ARHGEF28: variants seen among roughly 807,000 people sequenced by gnomAD.
ARHGEF28 encodes 190 kDa guanine nucleotide exchange factor.
A neutral mutation model predicts 206.6 loss-of-function variants in ARHGEF28; 152 were observed. The ratio of observed to expected loss-of-function variants is 0.74; its 90% CI spans 0.64 to 0.84. The LOEUF is 0.84. ARHGEF28 is among the 40% of genes least tolerant of loss of function. The pLI is 0.00. For synonymous variants in ARHGEF28, 763 were observed against 776.4 expected (o/e 0.98, Z 0.29); for missense variants, 2,028 against 2,073.2 (o/e 0.98, Z 0.42).
intron 7 of ARHGEF28, among the ~76,000 whole-genome samples, chr5:73,790,249 A>G (rs1396234985): frequency 6.6e-6 from 1 of 152,074 alleles, no homozygotes; most frequent in East Asian, 1.9e-4. Flanking sequence ...TCTGGCCAGA[A>G]TTGGATCATA....
At chr5:73,879,120 G>A (rs4610437) in intron 22 of ARHGEF28, among the ~76,000 whole-genome samples, 54,920 of 151,830 alleles carry the variant, frequency 0.36, 10,366 homozygotes, top group Admixed American at 0.45. Flanking sequence ...GGCTTTGTTC[G>A]TTTCTTTTTA....
In ARHGEF28 at chr5:73,645,775, C is replaced by T. The variant is rs751930006; in HGVS notation, c.-12+19453C>T. Among the ~76,000 whole-genome samples, 15 of 152,070 alleles carry T rather than the reference C, an allele frequency of 9.9e-5. No individual in the cohort carries two copies. In the South Asian group the frequency reaches 1.7e-3, roughly 17 times the overall value. ...GAGGTCTTGTGCATTTCTATTTTCC[C>T]ACTTTTTTTTTTCTGAGAGCCTGGA... On this transcript the variant is annotated intron_variant, in intron 1 of 35. Transcript: ENST00000513042.
chr5:73,738,562 G>A (rs1218987384), intron 2 of ARHGEF28, among the ~76,000 whole-genome samples: 2 of 151,606 alleles, frequency 1.3e-5, no homozygotes. Context: ...GGATAGATAG[G>A]TGGAAGGAAT....
chr5:73,778,194 T>C (rs1444004205), intron 6 of ARHGEF28: 2 of 152,164 alleles, frequency 1.3e-5, no homozygotes, highest in East Asian at 3.9e-4. Flanking sequence ...ATCAGTTCCA[T>C]GGGGGCAGAG....
intron 4 of ARHGEF28, among the ~76,000 whole-genome samples, chr5:73,759,435 G>T (rs1002557678): frequency 4.6e-5 from 7 of 152,154 alleles, no homozygotes; most frequent in African/African-American, 1.7e-4. Context: ...ATAACGCTCT[G>T]CTCTTGCCTG....
rs766265206 is a variant in ARHGEF28, at chr5:73,840,614, C to T, written c.1281C>T (p.Tyr427=). The T allele has an allele frequency of 3.1e-6, 5 of 1,613,992 alleles. No individual in the cohort carries two copies. The highest frequency in any genetic ancestry group is 3.4e-6 in the Non-Finnish European group (4 of 1,179,876). ...TLPTETSPSV[Y]PLSENVEGTA... ...CTACAGAAACCAGTCCCAGTGTGTA[C>T]CCACTTAGTGAAAATGTCGAAGGGA... is the stretch of plus-strand genomic sequence containing the variant. Residue 427 remains tyrosine, a synonymous_variant, in exon 11 of 36, where the codon TAC becomes TAT. Transcript: ENST00000513042.
At chr5:73,689,708 G>A (rs1400502604) in intron 2 of ARHGEF28, among the ~76,000 whole-genome samples, 8 of 151,770 alleles carry the variant, frequency 5.3e-5, no homozygotes, top group Non-Finnish European at 1.5e-5. Flanking sequence ...TCCTGCATTC[G>A]TGCTTGAAAA....
intron 33 of ARHGEF28, chr5:73,908,603 T>A (rs986567590): frequency 6.6e-6 from 1 of 152,248 alleles, no homozygotes; most frequent in Non-Finnish European, 1.5e-5. Context: ...TTTCCTGTGA[T>A]GTTGCCAAAC....
chr5:73,832,872 T>C (rs1757387376), intron 10 of ARHGEF28, among the ~76,000 whole-genome samples: 1 of 152,204 alleles, frequency 6.6e-6, no homozygotes. Context: ...CCCAGCACCA[T>C]AGGAAACTGT....
chr5:73,766,266 A>C (rs1039113791), intron 4 of ARHGEF28, among the ~76,000 whole-genome samples: 1 of 152,266 alleles, frequency 6.6e-6, no homozygotes, highest in Non-Finnish European at 1.5e-5. Flanking sequence ...TTAGCCCTAA[A>C]AAATATAAGT....
chr5:73,773,052 G>A (rs758279013), intron 4 of ARHGEF28, among the ~76,000 whole-genome samples: 7 of 152,188 alleles, frequency 4.6e-5, no homozygotes, highest in South Asian at 2.1e-4. Flanking sequence ...CACACAAACC[G>A]TAGAGATTTT....
chr5:73,863,421 T>A (rs1759516672), intron 16 of ARHGEF28: 1 of 152,132 alleles, frequency 6.6e-6, no homozygotes, highest in Non-Finnish European at 1.5e-5. Flanking sequence ...ATACGCTTCC[T>A]CTTCTCCATA....
chr5:73,835,031 C>G (rs968302793), intron 10 of ARHGEF28: 1 of 152,130 alleles, frequency 6.6e-6, no homozygotes, highest in Non-Finnish European at 1.5e-5. Flanking sequence ...GGCTGGTCAC[C>G]GGAAAGGCCA....
At chr5:73,707,791 A>G (rs1485089569) in intron 2 of ARHGEF28, among the ~76,000 whole-genome samples, 2 of 152,234 alleles carry the variant, frequency 1.3e-5, no homozygotes, top group Non-Finnish European at 2.9e-5. Context: ...GAGAAAACCC[A>G]AAATGAACAT....
chr5:73,811,317 C>T (rs1424951505), intron 9 of ARHGEF28, among the ~76,000 whole-genome samples: 1 of 152,198 alleles, frequency 6.6e-6, no homozygotes, highest in Non-Finnish European at 1.5e-5. Flanking sequence ...CTTTTTACAA[C>T]TGTTGTGCTA....
At chr5:73,871,719 T>A (rs1326341669) in intron 21 of ARHGEF28, among the ~76,000 whole-genome samples, 2 of 152,222 alleles carry the variant, frequency 1.3e-5, no homozygotes, top group African/African-American at 4.8e-5. Flanking sequence ...TCAGAACATC[T>A]TCATCACTTC....
In ARHGEF28 at chr5:73,894,490, C is replaced by T. The variant is rs1469092074; in HGVS notation, c.3756C>T (p.Val1252=). 2 of 1,613,966 alleles carry T rather than the reference C, an allele frequency of 1.2e-6. No individual in the cohort carries two copies. The highest frequency in any genetic ancestry group is 8.5e-7 in the Non-Finnish European group (1 of 1,179,892). ...GAGAACTGAGCGGATTTGAGGACGT[C>T]CATCTAGAGCCCCACCTCCTTATTA... ...ELGELSGFED[V]HLEPHLLIKP... The change falls in exon 29 of 36, where the codon GTC becomes GTT. Residue 1252 remains valine, a synonymous_variant. Transcript: ENST00000513042.
At chr5:73,808,870 G>A (rs1292050736) in intron 9 of ARHGEF28, among the ~76,000 whole-genome samples, 1 of 152,084 alleles carries the variant, frequency 6.6e-6, no homozygotes, top group Non-Finnish European at 1.5e-5. Context: ...TGCTGTTTCT[G>A]TCTTGGTATA....
intron 7 of ARHGEF28, among the ~76,000 whole-genome samples, chr5:73,789,301 T>C (rs1403823710): frequency 6.6e-6 from 1 of 152,224 alleles, no homozygotes; most frequent in Non-Finnish European, 1.5e-5. Flanking sequence ...AAAGACTACA[T>C]ATTGTGCAAT....
Sources: allele counts gnomAD v4.1 joint callset (sites outside exome capture counted in the v4.1 genomes callset), GRCh38; gene constraint gnomAD v4.1.1; transcripts MANE v1.5; gene names NCBI Gene and HGNC (gene_info 2026-07-23, HGNC 2026-07-21).